Variants in ZCCHC7 observed in about 807,000 individuals in gnomAD.
ZCCHC7 encodes zinc finger CCHC domain-containing protein 7.
In ZCCHC7, 35 loss-of-function variants were observed where a neutral mutation model predicts 52.0. That is an observed-to-expected ratio of 0.67 (90% CI 0.51 to 0.89). ZCCHC7 has a LOEUF of 0.89. Among genes scored for constraint, ZCCHC7 ranks in the 40% least tolerant of loss-of-function variants. The pLI is 0.00. For synonymous variants in ZCCHC7, 217 were observed against 221.5 expected (o/e 0.98, Z 0.18); for missense variants, 574 against 649.1 (o/e 0.88, Z 1.26).
At chr9:37,277,887 A>G (rs1827755181) in intron 2 of ZCCHC7, among the ~76,000 whole-genome samples, 2 of 152,190 alleles carry the variant, frequency 1.3e-5, no homozygotes, top group Admixed American at 1.3e-4. Context: ...ATACAATCCA[A>G]AATTACCAGA....
intron 5 of ZCCHC7, among the ~76,000 whole-genome samples, chr9:37,319,001 A>G (rs1303507831): frequency 6.6e-6 from 1 of 151,152 alleles, no homozygotes; most frequent in Non-Finnish European, 1.5e-5. Context: ...TTATGTCAGG[A>G]ATTATAGATG....
intron 2 of ZCCHC7, among the ~76,000 whole-genome samples, chr9:37,175,013 C>T (rs994462652): frequency 2.6e-5 from 4 of 151,722 alleles, no homozygotes; most frequent in Admixed American, 6.6e-5. Flanking sequence ...GGTACATGCC[C>T]GTGATTCCAG....
intron 2 of ZCCHC7, among the ~76,000 whole-genome samples, chr9:37,296,720 G>A (rs181253170): frequency 1.9e-4 from 29 of 152,112 alleles, no homozygotes; most frequent in East Asian, 1.7e-3. Flanking sequence ...TATTTATCGC[G>A]AAGGTTGTCA....
At chr9:37,216,850 T>G (rs1430189067) in intron 2 of ZCCHC7, among the ~76,000 whole-genome samples, 1 of 152,190 alleles carries the variant, frequency 6.6e-6, no homozygotes, top group African/African-American at 2.4e-5. Context: ...TTAACTGTTA[T>G]GAAAGCCTCT....
At chr9:37,270,669 C>T (rs1008168818) in intron 2 of ZCCHC7, among the ~76,000 whole-genome samples, 24 of 147,720 alleles carry the variant, frequency 1.6e-4, no homozygotes, top group African/African-American at 3.5e-4. Flanking sequence ...GCAACAAGAG[C>T]GAAACTTTGT....
At chr9:37,202,130 A>G (rs183396409) in intron 2 of ZCCHC7, among the ~76,000 whole-genome samples, 1 of 152,388 alleles carries the variant, frequency 6.6e-6, no homozygotes, top group East Asian at 1.9e-4. Context: ...GTGTGCAATA[A>G]AAAAGTTTAC....
intron 2 of ZCCHC7, among the ~76,000 whole-genome samples, chr9:37,181,662 G>A (rs1822362166): frequency 6.6e-6 from 1 of 152,146 alleles, no homozygotes; most frequent in African/African-American, 2.4e-5. Context: ...TGTCCAAATG[G>A]GCAAATCCAT....
At chr9:37,207,985 TC>T (rs1824013602) in intron 2 of ZCCHC7, among the ~76,000 whole-genome samples, 1 of 152,190 alleles carries the variant, frequency 6.6e-6, no homozygotes, top group Admixed American at 6.5e-5. Flanking sequence ...TAGTAGGCCC[TC>T]CTGTACTCTG....
intron 2 of ZCCHC7, among the ~76,000 whole-genome samples, chr9:37,183,976 C>T (rs1477211581): frequency 6.6e-6 from 1 of 152,186 alleles, no homozygotes; most frequent in Non-Finnish European, 1.5e-5. Context: ...CCTTGAGCCC[C>T]TCCTTTCCCT....
At chr9:37,337,936 C>T (rs1488195041) in intron 6 of ZCCHC7, among the ~76,000 whole-genome samples, 1 of 152,084 alleles carries the variant, frequency 6.6e-6, no homozygotes, top group Non-Finnish European at 1.5e-5. Flanking sequence ...AGTTTGAGAG[C>T]TACATTGGAA....
In ZCCHC7 at chr9:37,356,936, T is replaced by C; in HGVS notation, c.1300T>C (p.Trp434Arg). The C allele has an allele frequency of 1.2e-6, 2 of 1,613,578 alleles. No homozygotes were observed. Among genetic ancestry groups the C allele is most frequent in the Non-Finnish European group, 1.7e-6 (2 of 1,179,912 alleles). The change falls in exon 9 of 9, where the codon TGG becomes CGG. Residue 434 changes from tryptophan to arginine, a missense_variant. Physicochemically the swap from Trp to Arg is moderately radical, Grantham distance 101. Around this residue, in one of 3 missense-constraint regions of ZCCHC7, gnomAD observed 168 missense variants for 171.6 expected, o/e 0.98. Transcript: ENST00000336755. ...TGATATAAGGAAGGGCCGTGCCTCA[T>C]GGAAAAGCAACAGGTGGCCTCAAGA... is the stretch of plus-strand genomic sequence containing the variant. ...HHDIRKGRAS[W>R]KSNRWPQENK... is the part of the protein sequence containing the mutation.
chr9:37,206,639 A>G (rs1305025398), intron 2 of ZCCHC7, among the ~76,000 whole-genome samples: 1 of 152,174 alleles, frequency 6.6e-6, no homozygotes, highest in Non-Finnish European at 1.5e-5. Context: ...GGTGTGAGCC[A>G]CGATGCTGGG....
At chr9:37,233,902 G>A (rs1314036688) in intron 2 of ZCCHC7, among the ~76,000 whole-genome samples, 1 of 152,192 alleles carries the variant, frequency 6.6e-6, no homozygotes, top group Non-Finnish European at 1.5e-5. Context: ...CTCCCAGGCT[G>A]GAGTGCAGTG....
At chr9:37,249,929 C>A (rs944669176) in intron 2 of ZCCHC7, among the ~76,000 whole-genome samples, 4 of 152,038 alleles carry the variant, frequency 2.6e-5, no homozygotes, top group African/African-American at 9.7e-5. Context: ...AAAATGATGG[C>A]TCCACCGCTC....
chr9:37,289,589 G>A (rs1479586189), intron 2 of ZCCHC7, among the ~76,000 whole-genome samples: 1 of 152,134 alleles, frequency 6.6e-6, no homozygotes, highest in Non-Finnish European at 1.5e-5. Flanking sequence ...AATTATTGCA[G>A]TAACATTCTA....
intron 6 of ZCCHC7, 55 bp from the exon 7 acceptor site, chr9:37,349,302 G>T (rs1214696610): frequency 6.4e-7 from 1 of 1,566,760 alleles, no homozygotes; most frequent in Non-Finnish European, 8.7e-7. Context: ...TGGAAAGAAT[G>T]AGGTTTTAAT....
At chr9:37,350,444 T>C (rs1821311835) in intron 7 of ZCCHC7, among the ~76,000 whole-genome samples, 1 of 152,194 alleles carries the variant, frequency 6.6e-6, no homozygotes, top group African/African-American at 2.4e-5. Flanking sequence ...ATTTTAGATT[T>C]TCTACTTAGT....
At chr9:37,127,357 G>C (rs1435508460) in intron 2 of ZCCHC7, among the ~76,000 whole-genome samples, 1 of 152,116 alleles carries the variant, frequency 6.6e-6, no homozygotes, top group Non-Finnish European at 1.5e-5. Context: ...GCTTACCCAG[G>C]AGTTAGATGG....
chr9:37,166,553 A>T (rs1158512133), intron 2 of ZCCHC7, among the ~76,000 whole-genome samples: 1 of 151,608 alleles, frequency 6.6e-6, no homozygotes. Context: ...TTAACTTTTT[A>T]AACTTTTTTT....
Sources: allele counts gnomAD v4.1 joint callset (sites outside exome capture counted in the v4.1 genomes callset), GRCh38; gene constraint gnomAD v4.1.1; regional missense constraint gnomAD v4.1.1; transcripts MANE v1.5; gene names NCBI Gene and HGNC (gene_info 2026-07-23, HGNC 2026-07-21).